PCGF5: variants seen among roughly 807,000 people sequenced by gnomAD.
PCGF5 encodes polycomb group ring finger 5, also known as polycomb group RING finger protein 5.
PCGF5 carries 9 observed loss-of-function variants against 44.3 expected under a neutral mutation model. The observed-to-expected ratio is 0.20, with a 90% confidence interval of 0.12 to 0.35. The LOEUF (loss-of-function observed/expected upper bound fraction) is 0.35. Ranked by LOEUF, PCGF5 falls within the 10% of genes least tolerant of loss-of-function variation. The probability of loss-of-function intolerance (pLI) is 1.00; values close to 1 mark genes in which losing one functional copy is unlikely to be tolerated. For missense variants in PCGF5, 146 were observed against 305.3 expected, an observed-to-expected ratio of 0.48 and a Z score of 3.89; for synonymous variants, 95 against 102.5, an observed-to-expected ratio of 0.93 and a Z score of 0.44.
chr10:91,201,354 A>G (rs953262137), intron 1 of PCGF5, among the ~76,000 whole-genome samples: 3 of 152,096 alleles, frequency 2.0e-5, no homozygotes, highest in Admixed American at 2.0e-4. Flanking sequence ...TGGTCCCCCC[A>G]GTGACATTAC....
chr10:91,257,042 A>C (rs2133397139), intron 6 of PCGF5, among the ~76,000 whole-genome samples: 1 of 152,302 alleles, frequency 6.6e-6, no homozygotes, highest in South Asian at 2.1e-4. Flanking sequence ...AGAACGGGAA[A>C]AAATATTTGC....
chr10:91,262,433 A>G (rs1293049769), intron 7 of PCGF5, among the ~76,000 whole-genome samples: 3 of 152,164 alleles, frequency 2.0e-5, no homozygotes, highest in African/African-American at 7.2e-5. Context: ...ATCTCAAAAA[A>G]AGAAAAGAAA....
chr10:91,214,176 C>T (rs1334103322), intron 1 of PCGF5, among the ~76,000 whole-genome samples: 1 of 152,028 alleles, frequency 6.6e-6, no homozygotes, highest in Admixed American at 6.5e-5. Flanking sequence ...GTGGTATGTA[C>T]CCATGGTCCC....
intron 6 of PCGF5, among the ~76,000 whole-genome samples, chr10:91,253,327 C>G (rs1256539425): frequency 6.6e-6 from 1 of 151,846 alleles, no homozygotes; most frequent in African/African-American, 2.4e-5. Flanking sequence ...TCCTGTCTCG[C>G]CCCCTACCAT....
chr10:91,228,619 CTT>C (rs1195986648), intron 2 of PCGF5, among the ~76,000 whole-genome samples: 1 of 152,146 alleles, frequency 6.6e-6, no homozygotes, highest in East Asian at 1.9e-4. Flanking sequence ...GAAGGAATAA[CTT>C]AACCCTAAGA....
At chr10:91,272,314 C>CT (rs1846198774) in intron 9 of PCGF5, among the ~76,000 whole-genome samples, 1 of 152,096 alleles carries the variant, frequency 6.6e-6, no homozygotes, top group Non-Finnish European at 1.5e-5. Flanking sequence ...GATGATCAGC[C>CT]TTAACCCTGT....
intron 1 of PCGF5, among the ~76,000 whole-genome samples, chr10:91,194,615 C>A (rs1205073124): frequency 6.6e-6 from 1 of 152,020 alleles, no homozygotes; most frequent in East Asian, 1.9e-4. Flanking sequence ...GTTATCACAG[C>A]AATATAAAAT....
rs535544886 is a variant in PCGF5 at position 91,281,537 on chromosome 10, C to A, written c.*3221C>A. On this transcript the variant is annotated 3_prime_UTR_variant, in exon 10 of 10. Transcript: ENST00000336126. ...CTGTCTCTTATGAATGGTTTCATAT[C>A]TAAATAGGCTCTTGTAAGTTAATTT... The A allele has an allele frequency of 8.5e-5, 13 of 152,628 alleles. No individual in the cohort carries two copies. Among genetic ancestry groups the A allele is most frequent in the African/African-American group, 3.1e-4 (13 of 41,554 alleles). 9.5% of individuals were successfully genotyped at this position (152,628 alleles called of 1,614,324 possible). A position where few individuals can be genotyped will look rare whatever the true frequency, so the allele number is the denominator to read the frequency against.
chr10:91,179,087 C>T (rs1336991000), intron 1 of PCGF5, among the ~76,000 whole-genome samples: 59 of 152,330 alleles, frequency 3.9e-4, no homozygotes, highest in East Asian at 3.9e-4. Context: ...GGGCTAATTC[C>T]TCTAGCCCAG....
In PCGF5 at chr10:91,274,160, A is replaced by G. The variant is rs145837383; in HGVS notation, c.723+2463A>G. ...GTACATTACATTTTATAGAGATGCC[A>G]GTTCACCCCACAATTAAATTATAAA... On this transcript the variant is annotated intron_variant, in intron 9 of 9. Coordinates refer to ENST00000336126, the MANE Select transcript of PCGF5 (RefSeq NM_032373.5). Among the ~76,000 whole-genome samples, 135 of 152,206 alleles carry G rather than the reference A, an allele frequency of 8.9e-4. 3 individuals are homozygous for G. In the East Asian group the frequency reaches 0.022, roughly 25 times the overall value.
chr10:91,249,536 ATG>A (rs1845570753), intron 5 of PCGF5, among the ~76,000 whole-genome samples: 2 of 151,196 alleles, frequency 1.3e-5, no homozygotes, highest in African/African-American at 4.9e-5. Flanking sequence ...TTATTCAAGA[ATG>A]TGTGTGTGTT....
At chr10:91,156,348 T>C in the PCGF5 span, among the ~76,000 whole-genome samples, 2 of 152,158 alleles carry the variant, frequency 1.3e-5, no homozygotes, top group Non-Finnish European at 2.9e-5. Flanking sequence ...GATAAGACCA[T>C]TTGATGATTG....
intron 9 of PCGF5, 71 bp from the exon 10 acceptor site, chr10:91,278,198 A>C: frequency 7.8e-7 from 1 of 1,283,838 alleles, no homozygotes; most frequent in Non-Finnish European, 1.1e-6. Context: ...AATTCTTAAA[A>C]TCTTTCATAT....
At chr10:91,204,101 T>G (rs1254995362) in intron 1 of PCGF5, among the ~76,000 whole-genome samples, 1 of 152,190 alleles carries the variant, frequency 6.6e-6, no homozygotes, top group Non-Finnish European at 1.5e-5. Flanking sequence ...GAGAACATGT[T>G]TTTGAATAGT....
rs143433812 is a variant in PCGF5, at chr10:91,278,990, A to G, written c.*674A>G. The stretch of plus-strand genomic sequence containing the variant: ...TGTTAGCCCTCCAGATTGAAAATGT[A>G]TGTGACCTCTTGAACTGAAGTTAGA... On this transcript the variant is annotated 3_prime_UTR_variant, in exon 10 of 10. Coordinates refer to ENST00000336126, the MANE Select transcript of PCGF5 (RefSeq NM_032373.5). 6 of 152,746 alleles carry G rather than the reference A, an allele frequency of 3.9e-5. No individual in the cohort carries two copies. The highest frequency in any genetic ancestry group is 2.6e-4 in the Admixed American group (4 of 15,298). The allele number at this position is 152,746 out of a possible 1,614,324, so 9.5% of individuals were successfully genotyped here. A position where few individuals can be genotyped will look rare whatever the true frequency, so the allele number is the denominator to read the frequency against.
At chr10:91,242,628 T>C (rs1042921004) in intron 3 of PCGF5, among the ~76,000 whole-genome samples, 3 of 152,164 alleles carry the variant, frequency 2.0e-5, no homozygotes, top group African/African-American at 7.2e-5. Context: ...ACTTCAAACT[T>C]AGAATCCCCC....
At chr10:91,269,002 GA>G (rs201051260) in intron 8 of PCGF5, among the ~76,000 whole-genome samples, 77 of 149,472 alleles carry the variant, frequency 5.2e-4, no homozygotes, top group African/African-American at 1.5e-3. Context: ...GAGGAAAAAG[GA>G]AAAAAAAACA....
chr10:91,166,210 C>T (rs1843496720), intron 1 of PCGF5, among the ~76,000 whole-genome samples: 1 of 152,174 alleles, frequency 6.6e-6, no homozygotes, highest in African/African-American at 2.4e-5. Context: ...TTAGCCAGAG[C>T]TGCTATAGGT....
intron 6 of PCGF5, among the ~76,000 whole-genome samples, chr10:91,253,724 G>A (rs10881908): frequency 0.09 from 13,663 of 151,918 alleles, 1,016 homozygotes; most frequent in East Asian, 0.35. Context: ...AGTGTTTTCT[G>A]TACCCTTAAT....
Sources: allele counts gnomAD v4.1 joint callset (sites outside exome capture counted in the v4.1 genomes callset), GRCh38; gene constraint gnomAD v4.1.1; transcripts MANE v1.5; gene names NCBI Gene and HGNC (gene_info 2026-07-23, HGNC 2026-07-21).